Variants in TLCD4 observed in about 807,000 individuals in gnomAD.
TLCD4 encodes TLC domain-containing protein 4.
TLCD4 carries 7 observed loss-of-function variants against 24.2 expected under a neutral mutation model. That is an observed-to-expected ratio of 0.29 (90% CI 0.16 to 0.54). TLCD4 has a LOEUF of 0.54. Ranked by LOEUF, TLCD4 falls within the 20% of genes least tolerant of loss-of-function variation. The pLI is 0.95. For missense variants in TLCD4, 259 were observed against 313.9 expected (o/e 0.82, Z 1.32); for synonymous variants, 103 against 106.4 (o/e 0.97, Z 0.20).
chr1:95,100,649 T>G, the TLCD4 span, among the ~76,000 whole-genome samples: 5 of 152,198 alleles, frequency 3.3e-5, no homozygotes. Context: ...GATCATCTGA[T>G]TCCTGCCTTT....
chr1:95,138,657 G>A (rs1345340028), intron 1 of TLCD4: 2 of 151,860 alleles, frequency 1.3e-5, no homozygotes, highest in Non-Finnish European at 2.9e-5. Flanking sequence ...ACATTGTGTA[G>A]GCAGATGCTA....
intron 5 of TLCD4, among the ~76,000 whole-genome samples, chr1:95,173,189 T>G (rs1333787841): frequency 1.3e-5 from 2 of 152,234 alleles, no homozygotes; most frequent in African/African-American, 4.8e-5. Flanking sequence ...TTATTGAGGA[T>G]AAGTGCTTTT....
At chr1:95,174,566 T>C (rs1422239379) in intron 6 of TLCD4, among the ~76,000 whole-genome samples, 1 of 151,056 alleles carries the variant, frequency 6.6e-6, no homozygotes, top group Admixed American at 6.6e-5. Context: ...TGCTTGCCTG[T>C]AGTTCTAGCT....
intron 6 of TLCD4, among the ~76,000 whole-genome samples, chr1:95,189,258 G>A (rs1002617692): frequency 6.6e-6 from 1 of 152,040 alleles, no homozygotes; most frequent in African/African-American, 2.4e-5. Flanking sequence ...TTTTGCCTTT[G>A]TCTTATAGTC....
intron 5 of TLCD4, among the ~76,000 whole-genome samples, chr1:95,159,209 G>C (rs1229934484): frequency 6.6e-6 from 1 of 152,212 alleles, no homozygotes; most frequent in Non-Finnish European, 1.5e-5. Flanking sequence ...TCTAACTGGT[G>C]TGAGATGGTA....
chr1:95,174,005 A>T (rs1678328043), intron 6 of TLCD4, 116 bp downstream of exon 6: 1 of 1,403,710 alleles, frequency 7.1e-7, no homozygotes, highest in African/African-American at 1.4e-5. Flanking sequence ...CTGTGATATG[A>T]ATTGTTATCA....
At chr1:95,180,320 A>G (rs1226815673) in intron 6 of TLCD4, among the ~76,000 whole-genome samples, 1 of 152,204 alleles carries the variant, frequency 6.6e-6, no homozygotes, top group East Asian at 1.9e-4. Context: ...TTATAATAAA[A>G]ACTTATACTG....
Position 95,117,431 on chromosome 1 carries a change from G to A in TLCD4, c.-198G>A, listed in dbSNP as rs905900086. The A allele has an allele frequency of 3.3e-5, 5 of 152,322 alleles. No homozygotes were observed. The highest frequency in any genetic ancestry group is 1.2e-4 in the African/African-American group (5 of 41,556). 9.4% of individuals were successfully genotyped at this position (152,322 alleles called of 1,614,324 possible). Reference sequence around the variant, plus strand: ...CCGCCGCGGTAGCTGGAGCCTCCGCGACTGCACCTCCAAGCGGCCCGGAAC... The same window carrying A: ...CCGCCGCGGTAGCTGGAGCCTCCGCAACTGCACCTCCAAGCGGCCCGGAAC... On this transcript the variant is annotated 5_prime_UTR_variant, in exon 1 of 7. Transcript: ENST00000370203.
intron 5 of TLCD4, among the ~76,000 whole-genome samples, chr1:95,159,071 A>G (rs1253616312): frequency 6.6e-6 from 1 of 152,164 alleles, no homozygotes; most frequent in Non-Finnish European, 1.5e-5. Context: ...TAGATCCTTG[A>G]GGAATTGCCA....
rs536600351 is a variant in TLCD4, at chr1:95,195,664, A to G, written c.*3796A>G. 3 of 152,300 alleles carry G rather than the reference A, an allele frequency of 2.0e-5. No individual in the cohort carries two copies. Among genetic ancestry groups the G allele is most frequent in the East Asian group, 3.9e-4 (2 of 5,178 alleles). 9.4% of individuals were successfully genotyped at this position (152,300 alleles called of 1,614,324 possible). On this transcript the variant is annotated 3_prime_UTR_variant, in exon 7 of 7. Transcript: ENST00000370203. ...TTCATGTGTCTCTGGATGCACATAT[A>G]TCTTCCCAACCTTAAACACAGCTCA...
chr1:95,123,293 G>A (rs534765937), intron 1 of TLCD4, among the ~76,000 whole-genome samples: 12 of 152,240 alleles, frequency 7.9e-5, no homozygotes, highest in African/African-American at 2.9e-4. Flanking sequence ...ACCTGTGTGA[G>A]TGCTCCCAAA....
intron 2 of TLCD4, among the ~76,000 whole-genome samples, chr1:95,145,616 A>C (rs917443023): frequency 1.3e-5 from 2 of 152,228 alleles, no homozygotes; most frequent in African/African-American, 4.8e-5. Context: ...AGATAGATGG[A>C]ATGGTAGGAA....
intron 1 of TLCD4, among the ~76,000 whole-genome samples, chr1:95,130,102 A>T (rs192544230): frequency 2.0e-5 from 3 of 152,228 alleles, no homozygotes; most frequent in Admixed American, 2.0e-4. Flanking sequence ...AACAATTTTT[A>T]CATGATGGAA....
intron 1 of TLCD4, among the ~76,000 whole-genome samples, chr1:95,136,241 TTTG>T (rs1186611976): frequency 6.6e-6 from 1 of 152,132 alleles, no homozygotes; most frequent in South Asian, 2.1e-4. Flanking sequence ...GAGCCTGAAA[TTTG>T]TTTTTTTTTG....
intron 5 of TLCD4, among the ~76,000 whole-genome samples, chr1:95,157,965 C>T (rs1347206186): frequency 6.6e-6 from 1 of 152,048 alleles, no homozygotes. Context: ...ATTGATGTGG[C>T]CCTGTTCAGA....
At chr1:95,158,329 C>T (rs919258970) in intron 5 of TLCD4, among the ~76,000 whole-genome samples, 13 of 150,718 alleles carry the variant, frequency 8.6e-5, no homozygotes, top group African/African-American at 2.9e-4. Context: ...CTGAGACATT[C>T]GCCACTTTAC....
chr1:95,180,322 C>T (rs1025944472), intron 6 of TLCD4, among the ~76,000 whole-genome samples: 5 of 152,062 alleles, frequency 3.3e-5, no homozygotes, highest in Non-Finnish European at 5.9e-5. Flanking sequence ...ATAATAAAAA[C>T]TTATACTGTA....
chr1:95,132,163 A>G (rs1053778573), intron 1 of TLCD4, among the ~76,000 whole-genome samples: 3 of 152,180 alleles, frequency 2.0e-5, no homozygotes, highest in African/African-American at 7.2e-5. Context: ...TTTATAAATT[A>G]TACAGTCCCA....
chr1:95,194,906 T>C lies in TLCD4; in HGVS notation c.*3038T>C, dbSNP rs1200685905. 2.0e-5 allele frequency: 3 copies of C among 152,190 alleles called. No homozygotes were observed. The highest frequency in any genetic ancestry group is 4.4e-5 in the Non-Finnish European group (3 of 68,006). The allele number at this position is 152,190 out of a possible 1,614,324, so 9.4% of individuals were successfully genotyped here. On this transcript the variant is annotated 3_prime_UTR_variant, in exon 7 of 7. Transcript: ENST00000370203. ...AAAGAAATTGACTTCTGCTCAAATA[T>C]GTGTTGATACCCTACAGTAAATTGA... is the stretch of plus-strand genomic sequence containing the variant.
Sources: gnomAD v4.1 joint callset for allele counts (sites outside exome capture counted in the v4.1 genomes callset) on GRCh38, gnomAD v4.1.1 for gene constraint, MANE v1.5 for transcripts, NCBI Gene and HGNC (gene_info 2026-07-23, HGNC 2026-07-21) for gene names.